The following FMN2 variants were observed in gnomAD, a reference collection of about 807,000 sequenced individuals.
FMN2 encodes the protein formin-2.
A neutral mutation model predicts 142.3 loss-of-function variants in FMN2; 51 were observed. The ratio of observed to expected loss-of-function variants is 0.36; its 90% CI spans 0.29 to 0.45. FMN2 has a LOEUF of 0.45. Among genes scored for constraint, FMN2 ranks in the 20% least tolerant of loss-of-function variants. FMN2 has a pLI of 1.00. For synonymous variants in FMN2, 882 were observed against 869.8 expected, an observed-to-expected ratio of 1.01 and a Z score of -0.25; for missense variants, 1,936 against 2,122.8, an observed-to-expected ratio of 0.91 and a Z score of 1.73.
At chr1:240,323,979 T>G (rs2103004683) in intron 8 of FMN2, among the ~76,000 whole-genome samples, 1 of 152,178 alleles carries the variant, frequency 6.6e-6, no homozygotes, top group East Asian at 1.9e-4. Context: ...TACCATTACT[T>G]AGTACCACAA....
At chr1:240,307,242 CT>C (rs1670440830) in intron 8 of FMN2, among the ~76,000 whole-genome samples, 1 of 148,198 alleles carries the variant, frequency 6.7e-6, no homozygotes, top group African/African-American at 2.6e-5. Flanking sequence ...CAGAAGCTCT[CT>C]TTGGTTTAAT....
intron 14 of FMN2, among the ~76,000 whole-genome samples, chr1:240,375,714 C>T (rs1021141809): frequency 6.6e-6 from 1 of 152,188 alleles, no homozygotes; most frequent in African/African-American, 2.4e-5. Flanking sequence ...ATTGATATGT[C>T]TGTCTCCAGC....
chr1:240,119,213 C>T (rs969903868), intron 1 of FMN2, among the ~76,000 whole-genome samples: 2 of 151,856 alleles, frequency 1.3e-5, no homozygotes, highest in Non-Finnish European at 2.9e-5. Context: ...CCTGTAATCC[C>T]GGCTACTCAG....
At position 240,218,608 on chromosome 1, in the gene FMN2, G is replaced by C. The variant is rs115841348; in HGVS notation, c.4065+7373G>C. 2.8e-3 allele frequency among the ~76,000 whole-genome samples: 430 copies of C among 152,130 alleles called. 3 individuals carry two copies. Among genetic ancestry groups the C allele is most frequent in the African/African-American group, 0.01 (418 of 41,510 alleles). On this transcript the variant is annotated intron_variant, in intron 6 of 17. Coordinates refer to ENST00000319653, the MANE Select transcript of FMN2 (RefSeq NM_020066.5). ...TCTATCTGGAGCAGATGATGGGAGA[G>C]TGTTTTCTCAGCACAGCCAATTTAG...
chr1:240,202,057 A>G (rs1666146024), intron 4 of FMN2, among the ~76,000 whole-genome samples: 2 of 152,212 alleles, frequency 1.3e-5, no homozygotes, highest in South Asian at 4.1e-4. Flanking sequence ...CAGACACGGG[A>G]ATATGATCCT....
chr1:240,196,567 A>G (rs910568180), intron 4 of FMN2, among the ~76,000 whole-genome samples: 3 of 152,080 alleles, frequency 2.0e-5, no homozygotes, highest in Non-Finnish European at 4.4e-5. Context: ...GCTGGAGTGC[A>G]ATGGCATGAT....
At chr1:240,392,406 G>C in intron 14 of FMN2, 105 bp from the exon 15 acceptor site, 1 of 807,882 alleles carries the variant, frequency 1.2e-6, no homozygotes, top group Non-Finnish European at 2.0e-6. Flanking sequence ...TAGTACAATA[G>C]AATTAATAAT....
chr1:240,302,957 G>A (rs1670253422), intron 8 of FMN2, among the ~76,000 whole-genome samples: 1 of 151,486 alleles, frequency 6.6e-6, no homozygotes, highest in African/African-American at 2.4e-5. Flanking sequence ...ATAAAAATAG[G>A]GTTATATTAC....
At chr1:240,449,855 T>C (rs913356640) in intron 16 of FMN2, among the ~76,000 whole-genome samples, 10 of 152,156 alleles carry the variant, frequency 6.6e-5, no homozygotes, top group African/African-American at 2.4e-4. Context: ...ATATACATTG[T>C]TAAGTACTTA....
Position 240,092,025 on chromosome 1 carries a change from A to C in FMN2, c.-85A>C. 1 of 1,432,898 alleles carries C rather than the reference A, an allele frequency of 7.0e-7. No individual in the cohort carries two copies. The highest frequency in any genetic ancestry group is 9.1e-7 in the Non-Finnish European group (1 of 1,103,078). 88.8% of individuals were successfully genotyped at this position (1,432,898 alleles called of 1,614,324 possible). A position where few individuals can be genotyped will look rare whatever the true frequency, so the allele number is the denominator to read the frequency against. Reference sequence around the variant, plus strand: ...CGCCGCCGCCTGACTCTCCCGGGAGACTCCCTAGGCCCGGACCTGGGGCCG... The same window carrying C: ...CGCCGCCGCCTGACTCTCCCGGGAGCCTCCCTAGGCCCGGACCTGGGGCCG... On this transcript the variant is annotated 5_prime_UTR_variant, in exon 1 of 18. Coordinates refer to ENST00000319653, the MANE Select transcript of FMN2 (RefSeq NM_020066.5).
chr1:240,243,686 G>T (rs569027680), intron 6 of FMN2, among the ~76,000 whole-genome samples: 1 of 152,274 alleles, frequency 6.6e-6, no homozygotes, highest in South Asian at 2.1e-4. Context: ...ATTGCATATG[G>T]ATTATTAACT....
intron 15 of FMN2, among the ~76,000 whole-genome samples, chr1:240,415,477 A>G (rs1232945748): frequency 6.6e-6 from 1 of 151,970 alleles, no homozygotes; most frequent in Non-Finnish European, 1.5e-5. Context: ...TGGCACATGT[A>G]TACCTATGTA....
At chr1:240,150,709 CAT>C (rs1663727242) in intron 2 of FMN2, among the ~76,000 whole-genome samples, 1 of 152,112 alleles carries the variant, frequency 6.6e-6, no homozygotes, top group African/African-American at 2.4e-5. Flanking sequence ...GGGTTTTACA[CAT>C]GTCATTTGAT....
At chr1:240,402,704 G>A (rs1674032307) in intron 15 of FMN2, among the ~76,000 whole-genome samples, 1 of 152,162 alleles carries the variant, frequency 6.6e-6, no homozygotes, top group Non-Finnish European at 1.5e-5. Context: ...GACCAAATAT[G>A]ATTGTTTTTA....
intron 2 of FMN2, among the ~76,000 whole-genome samples, chr1:240,155,749 A>G (rs1663996132): frequency 6.6e-6 from 1 of 152,094 alleles, no homozygotes; most frequent in Middle Eastern, 3.2e-3. Flanking sequence ...TAGATGGGCA[A>G]TTCTTTATTG....
chr1:240,422,461 G>T (rs896847143), intron 15 of FMN2, among the ~76,000 whole-genome samples: 1 of 152,010 alleles, frequency 6.6e-6, no homozygotes, highest in Non-Finnish European at 1.5e-5. Flanking sequence ...TATAGATCTT[G>T]TACACATTTT....
intron 2 of FMN2, chr1:240,170,950 G>A: frequency 3.8e-6 from 3 of 787,470 alleles, no homozygotes; most frequent in East Asian, 2.4e-5. Flanking sequence ...GACTGATGGA[G>A]GAGTGGACTA....
intron 2 of FMN2, among the ~76,000 whole-genome samples, chr1:240,159,947 ATATC>A (rs67795932): frequency 0.064 from 7,621 of 119,716 alleles, 301 homozygotes; most frequent in South Asian, 0.11. Flanking sequence ...GTATATATAT[ATATC>A]TATATCTGTG....
chr1:240,251,694 T>C (rs1668282914), intron 6 of FMN2, among the ~76,000 whole-genome samples: 1 of 152,212 alleles, frequency 6.6e-6, no homozygotes, highest in African/African-American at 2.4e-5. Flanking sequence ...ATTATTGTAT[T>C]TGAGTCTGTC....
Sources: allele counts gnomAD v4.1 joint callset (sites outside exome capture counted in the v4.1 genomes callset), GRCh38; gene constraint gnomAD v4.1.1; transcripts MANE v1.5; gene names NCBI Gene and HGNC (gene_info 2026-07-23, HGNC 2026-07-21).